The following DYM variants were observed in gnomAD, a reference collection of about 807,000 sequenced individuals.
DYM encodes dymeclin, also known as dyggve-Melchior-Clausen syndrome protein.
A neutral mutation model predicts 93.1 loss-of-function variants in DYM; 78 were observed. That is an observed-to-expected ratio of 0.84 (90% confidence interval 0.70 to 1.01). The LOEUF (loss-of-function observed/expected upper bound fraction) is 1.01. Ranked by LOEUF, DYM falls within the 50% of genes least tolerant of loss-of-function variation. The pLI is 0.00. For synonymous variants in DYM, 321 were observed against 319.7 expected, an observed-to-expected ratio of 1.00 and a Z score of -0.04; for missense variants, 789 against 845.0, an observed-to-expected ratio of 0.93 and a Z score of 0.82.
At chr18:49,419,849 A>G (rs1371028909) in intron 2 of DYM, among the ~76,000 whole-genome samples, 1 of 152,258 alleles carries the variant, frequency 6.6e-6, no homozygotes, top group African/African-American at 2.4e-5. Flanking sequence ...ATAGCTTTAT[A>G]AATTACTTTA....
chr18:49,382,551 C>T (rs984478841), intron 3 of DYM, among the ~76,000 whole-genome samples: 1 of 152,062 alleles, frequency 6.6e-6, no homozygotes, highest in East Asian at 1.9e-4. Context: ...GAATGAGCTT[C>T]GGGAGCCAGA....
At position 49,114,893 on chromosome 18, in the gene DYM, G is replaced by C. The variant is rs112871567; in HGVS notation, c.1911+3851C>G. Among the ~76,000 whole-genome samples the C allele has an allele frequency of 5.8e-3, 885 of 152,312 alleles. 24 individuals are homozygous for C. The South Asian group carries it at 0.072, about 12-fold the overall frequency. Reference sequence around the variant, plus strand: ...CATTATTAGAACTGATTTTGAAAGAGAAAGTAATTAGGTTTGTGGATATGA... The same window carrying C: ...CATTATTAGAACTGATTTTGAAAGACAAAGTAATTAGGTTTGTGGATATGA... On this transcript the variant is annotated intron_variant, in intron 16 of 17. Coordinates refer to ENST00000675505, the MANE Select transcript of DYM (RefSeq NM_001353214.3).
At chr18:49,415,428 CTTTT>C (rs527660269) in intron 2 of DYM, among the ~76,000 whole-genome samples, 1 of 136,556 alleles carries the variant, frequency 7.3e-6, no homozygotes. Context: ...TTATTTTTAT[CTTTT>C]TTTTTTTTTG....
At chr18:49,182,616 T>C (rs2090035690) in intron 14 of DYM, among the ~76,000 whole-genome samples, 1 of 152,228 alleles carries the variant, frequency 6.6e-6, no homozygotes, top group South Asian at 2.1e-4. Context: ...GTTAGTGATA[T>C]GGTTGCATTT....
chr18:49,320,862 T>C (rs1046214026), intron 8 of DYM, among the ~76,000 whole-genome samples: 1 of 152,182 alleles, frequency 6.6e-6, no homozygotes, highest in Non-Finnish European at 1.5e-5. Context: ...TTAAGAATTA[T>C]TCATGTAAAA....
intron 8 of DYM, among the ~76,000 whole-genome samples, chr18:49,330,831 G>C (rs1222616436): frequency 6.6e-6 from 1 of 152,166 alleles, no homozygotes; most frequent in Admixed American, 6.5e-5. Context: ...TGGCACTCTT[G>C]GCAGGCTGCT....
intron 6 of DYM, among the ~76,000 whole-genome samples, chr18:49,340,674 G>A (rs956447338): frequency 2.6e-5 from 4 of 152,142 alleles, no homozygotes; most frequent in African/African-American, 9.7e-5. Flanking sequence ...AGAGGTTGGG[G>A]AACATACTGA....
At chr18:49,389,744 G>A (rs2069009945) in intron 3 of DYM, among the ~76,000 whole-genome samples, 1 of 152,044 alleles carries the variant, frequency 6.6e-6, no homozygotes, top group Non-Finnish European at 1.5e-5. Context: ...GCCCAAGCTG[G>A]TCTTGAACTC....
intron 12 of DYM, among the ~76,000 whole-genome samples, chr18:49,257,869 A>C (rs899790256): frequency 7.9e-5 from 12 of 152,018 alleles, no homozygotes; most frequent in South Asian, 4.2e-4. Context: ...AAAAAAAAAA[A>C]AATGCCATTT....
At chr18:49,283,923 T>G (rs1306447266) in intron 9 of DYM, among the ~76,000 whole-genome samples, 1 of 152,206 alleles carries the variant, frequency 6.6e-6, no homozygotes, top group Non-Finnish European at 1.5e-5. Context: ...TATAGACTAT[T>G]TTTTCAATAC....
At chr18:49,429,112 C>T (rs1198507300) in intron 2 of DYM, among the ~76,000 whole-genome samples, 3 of 152,200 alleles carry the variant, frequency 2.0e-5, no homozygotes, top group South Asian at 4.1e-4. Context: ...TCATGACCTC[C>T]CTACCATCTT....
At position 49,038,733 on chromosome 18, in the gene DYM, C is replaced by T. The variant is rs2070793875; in HGVS notation, c.*5322G>A. 6.6e-6 allele frequency among the ~76,000 whole-genome samples: 1 copy of T among 152,324 alleles called. No individual in the cohort carries two copies. The highest frequency in any genetic ancestry group is 3.4e-3 in the Middle Eastern group (1 of 294). ...TTAGACTCTTTTGCAATTCTTAAATCTTCCACTGAATTGATTATTCGAATT... is the reference window on the plus strand; with the variant it reads ...TTAGACTCTTTTGCAATTCTTAAATTTTCCACTGAATTGATTATTCGAATT... On this transcript the variant is annotated 3_prime_UTR_variant, in exon 18 of 18. Transcript: ENST00000675505.
chr18:49,391,135 G>C (rs1290735908), intron 3 of DYM, among the ~76,000 whole-genome samples: 1 of 152,106 alleles, frequency 6.6e-6, no homozygotes, highest in Non-Finnish European at 1.5e-5. Flanking sequence ...TCTATATGAG[G>C]AAATTAAGGC....
chr18:49,118,879 C>A lies in DYM; in HGVS notation c.1776G>T (p.Glu592Asp), dbSNP rs763711920. ...AATTTGTCAGGCAGGAGTTGATGATCTCTAACATCATTCGAATCACTTCTT... is the reference window on the plus strand; with the variant it reads ...AATTTGTCAGGCAGGAGTTGATGATATCTAACATCATTCGAATCACTTCTT... ...VIEEVIRMMLEIINSCLTNSL... is the reference protein window; with the variant it reads ...VIEEVIRMMLDIINSCLTNSL... The change falls in exon 16 of 18, where the codon GAG becomes GAT. Residue 592 changes from glutamate to aspartate, a missense_variant. By Grantham distance (45) the Glu-to-Asp change is conservative. Coordinates refer to ENST00000675505, the MANE Select transcript of DYM (RefSeq NM_001353214.3). 1 of 1,614,052 alleles carries A rather than the reference C, an allele frequency of 6.2e-7. No homozygotes were observed. The highest frequency in any genetic ancestry group is 1.1e-5 in the South Asian group (1 of 91,074).
chr18:49,329,394 C>G (rs545918107), intron 8 of DYM, among the ~76,000 whole-genome samples: 30 of 152,118 alleles, frequency 2.0e-4, no homozygotes, highest in Middle Eastern at 3.4e-3. Context: ...TGTAACAAAC[C>G]TGCACGTTGT....
chr18:49,166,306 C>G (rs2087858126), intron 14 of DYM, among the ~76,000 whole-genome samples: 1 of 152,026 alleles, frequency 6.6e-6, no homozygotes, highest in African/African-American at 2.4e-5. Flanking sequence ...CAATATATTC[C>G]TTCATTCATT....
chr18:49,133,369 T>C (rs1447655953), intron 15 of DYM, among the ~76,000 whole-genome samples: 4 of 152,226 alleles, frequency 2.6e-5, no homozygotes, highest in African/African-American at 7.2e-5. Flanking sequence ...TCTGTTACTG[T>C]CATAACAAAC....
At chr18:49,263,642 T>C (rs568491452) in intron 11 of DYM, among the ~76,000 whole-genome samples, 118 of 151,764 alleles carry the variant, frequency 7.8e-4, no homozygotes, top group Admixed American at 2.1e-3. Context: ...AGGCAGAGAA[T>C]TGCTTGAACC....
chr18:49,269,144 T>C lies in DYM; in HGVS notation c.1251+3034A>G, dbSNP rs548651925. Reference sequence around the variant, plus strand: ...CCCATTAAAAAATGGGCAAAGGACCTGAATAGACATTTCTCCAAAAGAGAC... The same window carrying C: ...CCCATTAAAAAATGGGCAAAGGACCCGAATAGACATTTCTCCAAAAGAGAC... On this transcript the variant is annotated intron_variant, in intron 11 of 17. Coordinates refer to ENST00000675505, the MANE Select transcript of DYM (RefSeq NM_001353214.3). 3.3e-5 allele frequency among the ~76,000 whole-genome samples: 5 copies of C among 152,184 alleles called. No individual in the cohort carries two copies. In the East Asian group the frequency reaches 7.7e-4, roughly 24 times the overall value.
Sources: allele counts gnomAD v4.1 joint callset (sites outside exome capture counted in the v4.1 genomes callset), GRCh38; gene constraint gnomAD v4.1.1; transcripts MANE v1.5; gene names NCBI Gene and HGNC (gene_info 2026-07-23, HGNC 2026-07-21).